The following SUN1 variants were observed in gnomAD, a reference collection of about 807,000 sequenced individuals.
SUN1 encodes the protein SUN domain-containing protein 1.
Under a neutral mutation model 103.2 loss-of-function variants are expected in SUN1, and 61 were observed. The ratio of observed to expected loss-of-function variants is 0.59; its 90% confidence interval spans 0.48 to 0.73. The LOEUF (loss-of-function observed/expected upper bound fraction) is 0.73, where lower values mean the gene tolerates loss of function less well. Among genes scored for constraint, SUN1 ranks in the 30% least tolerant of loss-of-function variants. The probability of loss-of-function intolerance (pLI) is 0.00; values close to 1 mark genes in which losing one functional copy is unlikely to be tolerated. For synonymous variants in SUN1, 490 were observed against 425.7 expected (o/e 1.15, Z -1.86); for missense variants, 1,052 against 1,034.6 (o/e 1.02, Z -0.23).
chr7:869,075 T>C (rs1585304899), intron 16 of SUN1: 1 of 436,578 alleles, frequency 2.3e-6, no homozygotes, highest in East Asian at 4.8e-5. Flanking sequence ...CCATTGACCT[T>C]CACCTTTTCT....
chr7:822,962 A>G (rs1343111245), intron 1 of SUN1, among the ~76,000 whole-genome samples: 1 of 149,670 alleles, frequency 6.7e-6, no homozygotes, highest in East Asian at 2.0e-4. Context: ...GTGAATTCCC[A>G]CACACACACG....
rs1394879320 is a variant in SUN1, at chr7:874,821, T to C, written c.*1490T>C. 2 of 152,268 alleles carry C rather than the reference T, an allele frequency of 1.3e-5. No homozygotes were observed. Among genetic ancestry groups the C allele is most frequent in the African/African-American group, 4.8e-5 (2 of 41,476 alleles). 9.4% of individuals were successfully genotyped at this position (152,268 alleles called of 1,614,324 possible). ...TAAATGCTTTTCAAAATATCTGTCTTTGGTAGTGCTTCTGCTGCTGCCACC... is the reference window on the plus strand; with the variant it reads ...TAAATGCTTTTCAAAATATCTGTCTCTGGTAGTGCTTCTGCTGCTGCCACC... On this transcript the variant is annotated 3_prime_UTR_variant, in exon 19 of 19. Transcript: ENST00000401592.
At position 860,511 on chromosome 7, in the gene SUN1, CGTAA is replaced by C. The variant is rs1831349134; in HGVS notation, c.1779+132_1779+135del. ...GTCTGGCTGGGGTGTGCTTAGCTGA[CGTAA>C]GTGAGATGAGACGTGCCTGGGCAGT... On this transcript the variant is annotated intron_variant, in intron 14 of 18. Coordinates refer to ENST00000401592, the MANE Select transcript of SUN1 (RefSeq NM_001130965.3). 7.5e-6 allele frequency: 11 copies of C among 1,460,716 alleles called. No individual in the cohort carries two copies. In the East Asian group the frequency reaches 2.3e-4, roughly 31 times the overall value. 90.5% of individuals were successfully genotyped at this position (1,460,716 alleles called of 1,614,324 possible). A position where few individuals can be genotyped will look rare whatever the true frequency, so the allele number is the denominator to read the frequency against.
At chr7:873,086 C>G in intron 18 of SUN1, 129 bp from the exon 19 acceptor site, 3 of 854,766 alleles carry the variant, frequency 3.5e-6, no homozygotes, top group Non-Finnish European at 5.7e-6. Context: ...GACTCTGTCT[C>G]AACAACAACA....
intron 1 of SUN1, 105 bp downstream of exon 1, chr7:832,706 G>T: frequency 1.2e-6 from 1 of 845,720 alleles, no homozygotes; most frequent in Non-Finnish European, 1.9e-6. Context: ...ACTACATGCT[G>T]TATTTTGAAG....
intron 1 of SUN1, among the ~76,000 whole-genome samples, chr7:819,670 C>G (rs1469700268): frequency 6.8e-6 from 1 of 147,098 alleles, no homozygotes; most frequent in Non-Finnish European, 1.5e-5. Flanking sequence ...GGACCCAGTT[C>G]TGTTCTGCAG....
At chr7:849,089 C>T (rs1360795098) in intron 5 of SUN1, among the ~76,000 whole-genome samples, 1 of 152,032 alleles carries the variant, frequency 6.6e-6, no homozygotes, top group Non-Finnish European at 1.5e-5. Context: ...GTAGCTGGGA[C>T]TACAGGCGCA....
chr7:856,381 G>T lies in SUN1; in HGVS notation c.1374G>T (p.Gln458His), dbSNP rs1827308151. The T allele has an allele frequency of 1.9e-6, 3 of 1,614,018 alleles. No homozygotes were observed. Among genetic ancestry groups the T allele is most frequent in the South Asian group, 2.2e-5 (2 of 91,072 alleles). The change falls in exon 12 of 19, where the codon CAG (glutamine) becomes CAT (histidine). Residue 458 changes from glutamine to histidine, a missense_variant. Physicochemically the swap from Gln to His is conservative, Grantham distance 24 (BLOSUM62 0). Transcript: ENST00000401592. ...KSEAIQKELE[Q>H]TKQKTISAVG... ...AGGCCATCCAGAAGGAACTAGAACA[G>T]ACCAAGCAAAAAACAATCAGGTAGG... is the stretch of plus-strand genomic sequence containing the variant.
chr7:855,040 A>G (rs772423721), intron 11 of SUN1, 34 bp downstream of exon 11: 113 of 1,527,798 alleles, frequency 7.4e-5, no homozygotes, highest in Middle Eastern at 6.8e-4. Context: ...TTTTTAAAAT[A>G]AAAAGAAAAT....
chr7:856,848 G>T (rs894797589), intron 12 of SUN1, among the ~76,000 whole-genome samples: 5 of 152,158 alleles, frequency 3.3e-5, no homozygotes, highest in African/African-American at 1.2e-4. Flanking sequence ...CTCCTGGACG[G>T]CAGTCCCTGG....
chr7:822,624 A>G (rs956972529), intron 1 of SUN1, among the ~76,000 whole-genome samples: 3 of 98,446 alleles, frequency 3.0e-5, no homozygotes, highest in African/African-American at 8.8e-5. Context: ...TTTTATTGCT[A>G]CAAACTGAAA....
At chr7:825,008 C>G (rs1232587609) in intron 1 of SUN1, among the ~76,000 whole-genome samples, 1 of 152,104 alleles carries the variant, frequency 6.6e-6, no homozygotes, top group African/African-American at 2.4e-5. Flanking sequence ...CCTGTCCTGC[C>G]TCACAAATGA....
chr7:861,323 C>G (rs1832056107), intron 14 of SUN1, 57 bp from the exon 15 acceptor site: 2 of 1,583,412 alleles, frequency 1.3e-6, no homozygotes, highest in Admixed American at 3.3e-5. Context: ...GCACTAAAAC[C>G]CACGTCTCTC....
At chr7:846,154 G>A (rs1423011321) in intron 5 of SUN1, among the ~76,000 whole-genome samples, 1 of 152,000 alleles carries the variant, frequency 6.6e-6, no homozygotes, top group Non-Finnish European at 1.5e-5. Context: ...TGTTGCCCAG[G>A]CTGGAGTACA....
At chr7:861,585 G>C (rs1338956374) in intron 15 of SUN1, 121 bp downstream of exon 15, 2 of 924,450 alleles carry the variant, frequency 2.2e-6, no homozygotes, top group African/African-American at 3.2e-5. Context: ...TTAAACATCT[G>C]AGAAAGGGAG....
upstream of SUN1, chr7:831,024 C>G (rs7804512): frequency 0.59 from 582,668 of 983,962 alleles, 172,861 homozygotes; most frequent in African/African-American, 0.64. Context: ...CTGTGCCGGG[C>G]TCCTCTGCGT....
intron 11 of SUN1, among the ~76,000 whole-genome samples, chr7:855,903 C>T (rs375744673): frequency 6.6e-6 from 1 of 152,212 alleles, no homozygotes; most frequent in East Asian, 1.9e-4. Flanking sequence ...GCGCCTCCTC[C>T]TCTGTCTGCC....
intron 13 of SUN1, among the ~76,000 whole-genome samples, chr7:858,829 A>G (rs1422850041): frequency 1.3e-5 from 2 of 152,162 alleles, no homozygotes; most frequent in African/African-American, 4.8e-5. Flanking sequence ...AGCCCCTATA[A>G]TGGGTAGGAA....
At chr7:858,594 A>G (rs1237865437) in intron 13 of SUN1, among the ~76,000 whole-genome samples, 1 of 152,162 alleles carries the variant, frequency 6.6e-6, no homozygotes, top group Non-Finnish European at 1.5e-5. Context: ...ACCTTTCATT[A>G]GATAGACCCA....
Sources: gnomAD v4.1 joint callset for allele counts (sites outside exome capture counted in the v4.1 genomes callset) on GRCh38, gnomAD v4.1.1 for gene constraint, MANE v1.5 for transcripts, NCBI Gene and HGNC (gene_info 2026-07-23, HGNC 2026-07-21) for gene names.